The following LINC00305 variants were observed in gnomAD, a reference collection of about 807,000 sequenced individuals.
LINC00305 encodes the protein long independently transcribed non-coding RNA 305, also known as long intergenic non-protein coding RNA 305.
At chr18:64,125,957 T>C (rs1362572991) in intron 1 of LINC00305, among the ~76,000 whole-genome samples, 1 of 152,014 alleles carries the variant, frequency 6.6e-6, no homozygotes, top group East Asian at 1.9e-4. Context: ...CTGGACACTA[T>C]TTCCTTGATC....
chr18:64,094,453 G>A (rs539586716), intron 3 of LINC00305, among the ~76,000 whole-genome samples: 1 of 152,290 alleles, frequency 6.6e-6, no homozygotes, highest in African/African-American at 2.4e-5. Context: ...CTGCTGGAGA[G>A]TAAGGATCAG....
chr18:64,095,938 A>G (rs566107853), intron 3 of LINC00305, among the ~76,000 whole-genome samples: 1 of 152,178 alleles, frequency 6.6e-6, no homozygotes, highest in Non-Finnish European at 1.5e-5. Context: ...AAAAGAAACA[A>G]AAATTTCAAT....
chr18:64,145,933 T>C (rs2051495619), intron 1 of LINC00305, among the ~76,000 whole-genome samples: 1 of 152,208 alleles, frequency 6.6e-6, no homozygotes. Flanking sequence ...TCATTAATTT[T>C]TGGACTCACA....
At chr18:64,107,491 G>A (rs993185329) in intron 1 of LINC00305, among the ~76,000 whole-genome samples, 12 of 152,240 alleles carry the variant, frequency 7.9e-5, no homozygotes, top group Admixed American at 4.6e-4. Flanking sequence ...TGATGGCTGC[G>A]TACAGAAGGC....
At chr18:64,145,697 T>G (rs148627506) in intron 1 of LINC00305, among the ~76,000 whole-genome samples, 51 of 152,328 alleles carry the variant, frequency 3.3e-4, no homozygotes, top group African/African-American at 1.2e-3. Context: ...ATTACAGGCA[T>G]GAGCCACCGC....
intron 1 of LINC00305, among the ~76,000 whole-genome samples, chr18:64,104,389 A>G (rs1255263092): frequency 6.6e-6 from 1 of 152,214 alleles, no homozygotes; most frequent in Non-Finnish European, 1.5e-5. Flanking sequence ...ACTTCAGCTT[A>G]ATTTTGAGGC....
At chr18:64,088,465 A>G (rs922977039) in intron 3 of LINC00305, among the ~76,000 whole-genome samples, 3 of 152,220 alleles carry the variant, frequency 2.0e-5, no homozygotes, top group African/African-American at 7.2e-5. Context: ...GCACCTCTCA[A>G]TCTAGCTCTT....
chr18:64,143,756 TGTACACATATTATGCGTACATGTA>T (rs2051482008), intron 1 of LINC00305, among the ~76,000 whole-genome samples: 1 of 72,102 alleles, frequency 1.4e-5, no homozygotes, highest in Admixed American at 1.3e-4. Context: ...CGTACATGTA[TGTACACATATTATGCGTACATGTA>T]TGTACACATA....
chr18:64,139,083 C>T (rs889384397), intron 1 of LINC00305, among the ~76,000 whole-genome samples: 6 of 152,144 alleles, frequency 3.9e-5, no homozygotes, highest in African/African-American at 1.4e-4. Context: ...TTAACAGCCT[C>T]CAAACATTCT....
At chr18:64,101,497 C>T (rs1367721941) in intron 1 of LINC00305, among the ~76,000 whole-genome samples, 1 of 152,202 alleles carries the variant, frequency 6.6e-6, no homozygotes, top group Non-Finnish European at 1.5e-5. Context: ...CCCCCATTGT[C>T]ACATGGTATT....
At chr18:64,091,902 G>A (rs1033411038) in intron 3 of LINC00305, among the ~76,000 whole-genome samples, 6 of 152,166 alleles carry the variant, frequency 3.9e-5, no homozygotes, top group Non-Finnish European at 8.8e-5. Context: ...TATATTGAAA[G>A]GGCTTTTTAA....
chr18:64,119,547 C>T (rs1406605053), intron 1 of LINC00305, among the ~76,000 whole-genome samples: 2 of 152,112 alleles, frequency 1.3e-5, no homozygotes, highest in African/African-American at 4.8e-5. Context: ...AAGAAGGTCT[C>T]ATAACTGCTA....
At chr18:64,126,248 CCTT>C in intron 1 of LINC00305, among the ~76,000 whole-genome samples, 1 of 152,036 alleles carries the variant, frequency 6.6e-6, no homozygotes, top group Non-Finnish European at 1.5e-5. Context: ...TATACTAAAA[CCTT>C]CTTCATAAGG....
chr18:64,134,095 A>C (rs1020848797), intron 1 of LINC00305, among the ~76,000 whole-genome samples: 1 of 152,178 alleles, frequency 6.6e-6, no homozygotes, highest in Non-Finnish European at 1.5e-5. Flanking sequence ...ACCACGCTAG[A>C]CTCTTAAATT....
At chr18:64,123,968 C>T (rs1305873059) in intron 1 of LINC00305, among the ~76,000 whole-genome samples, 1 of 152,120 alleles carries the variant, frequency 6.6e-6, no homozygotes, top group Non-Finnish European at 1.5e-5. Context: ...CACACACTGG[C>T]TCCCTTCTGC....
At chr18:64,111,902 T>A (rs2144250376) in intron 1 of LINC00305, among the ~76,000 whole-genome samples, 1 of 152,314 alleles carries the variant, frequency 6.6e-6, no homozygotes, top group African/African-American at 2.4e-5. Flanking sequence ...GTATGCAAAC[T>A]TATCACAAAA....
At chr18:64,095,976 C>T (rs79306961) in intron 3 of LINC00305, among the ~76,000 whole-genome samples, 1,682 of 151,804 alleles carry the variant, frequency 0.011, 31 homozygotes, top group African/African-American at 0.038. Context: ...GGAATTTCAA[C>T]AATAAAATGG....
intron 1 of LINC00305, among the ~76,000 whole-genome samples, chr18:64,108,545 C>G (rs183503271): frequency 1.7e-4 from 26 of 152,240 alleles, no homozygotes; most frequent in African/African-American, 6.0e-4. Context: ...CAGAAGGCCT[C>G]TTAGAGTTGT....
intron 1 of LINC00305, among the ~76,000 whole-genome samples, chr18:64,117,127 A>G (rs2051341279): frequency 6.6e-6 from 1 of 152,214 alleles, no homozygotes; most frequent in Admixed American, 6.5e-5. Context: ...GGAATTAGTA[A>G]CAAAATGCTA....
Sources: gnomAD v4.1 joint callset for allele counts (sites outside exome capture counted in the v4.1 genomes callset) on GRCh38, gnomAD v4.1.1 for gene constraint, MANE v1.5 for transcripts, NCBI Gene and HGNC (gene_info 2026-07-23, HGNC 2026-07-21) for gene names.